Variants in CTRL observed in about 807,000 individuals in gnomAD.
The protein encoded by CTRL is chymotrypsin like.
In CTRL, 38 loss-of-function variants were observed where a neutral mutation model predicts 35.5. That is an observed-to-expected ratio of 1.07 (90% CI 0.83 to 1.40). The LOEUF (loss-of-function observed/expected upper bound fraction) is 1.40. Ranked by LOEUF, CTRL falls within the 40% of genes most tolerant of loss-of-function variation. The probability of loss-of-function intolerance (pLI) is 0.00; values close to 1 mark genes in which losing one functional copy is unlikely to be tolerated. For missense variants in CTRL, 327 were observed against 342.9 expected, an observed-to-expected ratio of 0.95 and a Z score of 0.37; for synonymous variants, 155 against 141.1, an observed-to-expected ratio of 1.10 and a Z score of -0.70.
rs144794688 is a variant in CTRL, at chr16:67,930,002, C to T, written c.727G>A (p.Ala243Thr). The change falls in exon 7 of 7, where the codon GCA (alanine) becomes ACA (threonine). Residue 243 changes from alanine to threonine, a missense_variant. Physicochemically the swap from Ala to Thr is moderately conservative, Grantham distance 58. Coordinates refer to ENST00000574481, the MANE Select transcript of CTRL (RefSeq NM_001907.3). This position sits in a 1 kb window ranked among gnomAD's most constrained non-coding sequence, Gnocchi z 4.3. ...SWGTKNCNVR[A>T]PAVYTRVSKF... is the part of the protein sequence containing the mutation. ...CTAACTCGAGTATACACAGCAGGTG[C>T]GCGCACATTGCAGTTTTTGGTGCCC... The T allele has an allele frequency of 3.3e-5, 54 of 1,614,098 alleles. No individual in the cohort carries two copies. Among genetic ancestry groups the T allele is most frequent in the East Asian group, 4.5e-5 (2 of 44,876 alleles).
chr16:67,931,749 G>T, intron 1 of CTRL, 52 bp downstream of exon 1: 1 of 1,546,624 alleles, frequency 6.5e-7, no homozygotes, highest in East Asian at 2.4e-5. Context: ...GGCTGTTGCT[G>T]GGAGCTGAGT....
chr16:67,929,972 A>G lies in CTRL; in HGVS notation c.757T>C (p.Phe253Leu), dbSNP rs765462419. The G allele has an allele frequency of 2.5e-6, 4 of 1,614,156 alleles. No individual in the cohort carries two copies. The South Asian group carries it at 4.4e-5, about 18-fold the overall frequency. The change falls in exon 7 of 7, where the codon TTC (phenylalanine) becomes CTC (leucine). Residue 253 changes from phenylalanine (F) to leucine (L), a missense_variant. Transcript: ENST00000574481. ...ATGACCTGGTTGATCCAGGTGCTGA[A>G]CTTGCTAACTCGAGTATACACAGCA... ...APAVYTRVSK[F>L]STWINQVIAY...
intron 1 of CTRL, 118 bp from the exon 2 acceptor site, chr16:67,931,319 C>T: frequency 2.1e-6 from 2 of 940,942 alleles, no homozygotes; most frequent in South Asian, 2.9e-5. Context: ...TACAGCACTA[C>T]CCCTTCCCCA....
Position 67,930,311 on chromosome 16 carries a change from C to T in CTRL, c.507G>A (p.Val169=), listed in dbSNP as rs767272614. 1 of 1,614,030 alleles carries T rather than the reference C, an allele frequency of 6.2e-7. No individual in the cohort carries two copies. Among genetic ancestry groups the T allele is most frequent in the Non-Finnish European group, 8.5e-7 (1 of 1,180,012 alleles). ...GWGRLSGVGN[V]TPAHLQQVAL... The stretch of plus-strand genomic sequence containing the variant: ...CCACCTGCTGCAGATGTGCTGGTGT[C>T]ACATTGCCTGTGGGCCAGGAGGGGT... The change falls in exon 6 of 7, where the codon GTG becomes GTA. Residue 169 remains valine, a synonymous_variant. Transcript: ENST00000574481. This position sits in a 1 kb window ranked among gnomAD's most constrained non-coding sequence, Gnocchi z 4.3.
At position 67,930,167 on chromosome 16, in the gene CTRL, G is replaced by A. The variant is rs779233462; in HGVS notation, c.633+18C>T. 1.9e-6 allele frequency: 3 copies of A among 1,613,764 alleles called. No homozygotes were observed. The highest frequency in any genetic ancestry group is 2.2e-5 in the South Asian group (2 of 91,076). On this transcript the variant is annotated intron_variant, in intron 6 of 6. Transcript: ENST00000574481. This position sits in a 1 kb window ranked among gnomAD's most constrained non-coding sequence, Gnocchi z 4.3. The stretch of plus-strand genomic sequence containing the variant: ...GTATACCACAGGACAGCGCAGAGGA[G>A]CGGGTGCTGGGGCTTACCTGGCACG...
Position 67,929,859 on chromosome 16 carries a change from A to C in CTRL, c.*75T>G, listed in dbSNP as rs554774004. On this transcript the variant is annotated 3_prime_UTR_variant, in exon 7 of 7. Coordinates refer to ENST00000574481, the MANE Select transcript of CTRL (RefSeq NM_001907.3). ...AGCCTCTTCTTTCTCCTGAGCCAGG[A>C]AGACAGACATGAATGCATGATGGGA... The C allele has an allele frequency of 9.3e-5, 141 of 1,510,504 alleles. No homozygotes were observed. The highest frequency in any genetic ancestry group is 1.2e-4 in the Non-Finnish European group (137 of 1,101,924). 93.6% of individuals were successfully genotyped at this position (1,510,504 alleles called of 1,614,324 possible). A position where few individuals can be genotyped will look rare whatever the true frequency, so the allele number is the denominator to read the frequency against.
In CTRL at chr16:67,930,491, G is replaced by A. The variant is rs1230599573; in HGVS notation, c.416C>T (p.Pro139Leu). The part of the protein sequence containing the change: ...SPAQYTTRIS[P>L]VCLASSNEAL... ...CTCGTTTGAGGATGCCAGGCAAACT[G>A]GCGAGATGCGTGTTGTGTACTGGGC... Residue 139 changes from proline (P) to leucine (L), a missense_variant, in exon 5 of 7, where the codon CCA (proline) becomes CTA (leucine). Transcript: ENST00000574481. This position sits in a 1 kb window ranked among gnomAD's most constrained non-coding sequence, Gnocchi z 4.3. 1.9e-6 allele frequency: 3 copies of A among 1,614,074 alleles called. No individual in the cohort carries two copies. The African/African-American group carries it at 4.0e-5, about 22-fold the overall frequency.
In CTRL at chr16:67,930,689, C is replaced by T. The variant is rs752833617; in HGVS notation, c.318+37G>A. The T allele has an allele frequency of 5.9e-5, 95 of 1,612,296 alleles. No homozygotes were observed. Among genetic ancestry groups the T allele is most frequent in the Non-Finnish European group, 8.0e-5 (94 of 1,178,544 alleles). ...TCCCAGCACCCACCCACCTGCACTG[C>T]CCACTTTTCCTCCGTGTCTGCAGCC... On this transcript the variant is annotated intron_variant, in intron 4 of 6. Coordinates refer to ENST00000574481, the MANE Select transcript of CTRL (RefSeq NM_001907.3). The surrounding 1 kb of genome is among the most constrained non-coding windows in gnomAD (Gnocchi z 4.3).
rs763160337 is a variant in CTRL, at chr16:67,930,893, C to T, written c.236+27G>A. On this transcript the variant is annotated intron_variant, in intron 3 of 6. Transcript: ENST00000574481. The surrounding 1 kb of genome is among the most constrained non-coding windows in gnomAD (Gnocchi z 4.3). ...GGAGGAGGCAGGAAGAGGCGAGGGG[C>T]GGGGCAGGTGGAATGCAGGCACTCA... The T allele has an allele frequency of 9.9e-6, 16 of 1,612,346 alleles. No homozygotes were observed. Among genetic ancestry groups the T allele is most frequent in the South Asian group, 4.4e-5 (4 of 91,052 alleles).
rs2058235486 is a variant in CTRL at position 67,930,427 on chromosome 16, C to T, written c.480G>A (p.Trp160Ter). ...CCCTACCCACGCCACTGAGGCGACC[C>T]CAGCCGGTGGTGACACACGTGAGGC... The part of the protein sequence containing the change: ...TEGLTCVTTG[W>*]GRLSGVGNVT... The change falls in exon 5 of 7, where the codon TGG (tryptophan) becomes TGA (stop). Residue 160 changes from tryptophan to a stop codon, truncating the protein, a stop_gained. Coordinates refer to ENST00000574481, the MANE Select transcript of CTRL (RefSeq NM_001907.3). LOFTEE classifies it high-confidence loss of function. The surrounding 1 kb of genome is among the most constrained non-coding windows in gnomAD (Gnocchi z 4.3). 1.2e-6 allele frequency: 2 copies of T among 1,614,020 alleles called. No individual in the cohort carries two copies. Among genetic ancestry groups the T allele is most frequent in the Non-Finnish European group, 8.5e-7 (1 of 1,179,962 alleles).
At chr16:67,931,256 A>C in intron 1 of CTRL, 55 bp from the exon 2 acceptor site, 1 of 1,581,500 alleles carries the variant, frequency 6.3e-7, no homozygotes, top group Non-Finnish European at 8.6e-7. Context: ...ATCTTTCCCC[A>C]CCTCCTTTTG....
At position 67,929,648 on chromosome 16, in the gene CTRL, T is replaced by C; in HGVS notation, c.*286A>G. On this transcript the variant is annotated 3_prime_UTR_variant, in exon 7 of 7. Transcript: ENST00000574481. Reference sequence around the variant, plus strand: ...CTCTGTATTCAGTAAACAGGCTGCCTCTCCAGGGAGGGCTGCCATTCATTC... The same window carrying C: ...CTCTGTATTCAGTAAACAGGCTGCCCCTCCAGGGAGGGCTGCCATTCATTC... 2 of 473,136 alleles carry C rather than the reference T, an allele frequency of 4.2e-6. No individual in the cohort carries two copies. Among genetic ancestry groups the C allele is most frequent in the Non-Finnish European group, 7.7e-6 (2 of 260,834 alleles). The allele number at this position is 473,136 out of a possible 1,614,324, so 29.3% of individuals were successfully genotyped here.
In CTRL at chr16:67,930,096, C is replaced by T. The variant is rs1459652879; in HGVS notation, c.634-1G>A. 1.9e-6 allele frequency: 3 copies of T among 1,613,902 alleles called. No homozygotes were observed. On this transcript the variant is annotated splice_acceptor_variant, in intron 6 of 6. Transcript: ENST00000574481. LOFTEE classifies it high-confidence loss of function. The surrounding 1 kb of genome is among the most constrained non-coding windows in gnomAD (Gnocchi z 4.3). ...AGACAAGAGGGCCTCCGGAGTCACC[C>T]TGAGAGGGAAGAGGGAGGGAGAATT...
rs776862713 is a variant in CTRL at position 67,931,154 on chromosome 16, T to C, written c.100A>G (p.Ile34Val). Reference protein sequence around the residue: ...IKPALSFSQRIVNGENAVLGS... With the variant: ...IKPALSFSQRVVNGENAVLGS... ...AACACTGCATTCTCCCCGTTGACAATCCTCTGGCTGAAGCTCAGTGCCGGT... is the reference window on the plus strand; with the variant it reads ...AACACTGCATTCTCCCCGTTGACAACCCTCTGGCTGAAGCTCAGTGCCGGT... The change falls in exon 2 of 7, where the codon ATT becomes GTT. Residue 34 changes from isoleucine (I) to valine (V), a missense_variant. Transcript: ENST00000574481. 18 of 1,613,958 alleles carry C rather than the reference T, an allele frequency of 1.1e-5. No individual in the cohort carries two copies. In the South Asian group the frequency reaches 1.6e-4, roughly 15 times the overall value.
At chr16:67,931,248 C>T in intron 1 of CTRL, 47 bp from the exon 2 acceptor site, 1 of 1,595,598 alleles carries the variant, frequency 6.3e-7, no homozygotes, top group Non-Finnish European at 8.6e-7. Flanking sequence ...CTCAGCCCAT[C>T]TTTCCCCACC....
In CTRL at chr16:67,930,564, A is replaced by C. The variant is rs1457711810; in HGVS notation, c.343T>G (p.Ser115Ala). ...SRAITHPSWN[S>A]TTMNNDVTLL... The stretch of plus-strand genomic sequence containing the variant: ...GTCACGTCATTGTTCATGGTGGTAG[A>C]GTTCCAGCTAGGGTGTGTAATGGCC... The change falls in exon 5 of 7, where the codon TCT (serine) becomes GCT (alanine). Residue 115 changes from serine (S) to alanine (A), a missense_variant. By Grantham distance (99) the Ser-to-Ala change is moderately conservative. Coordinates refer to ENST00000574481, the MANE Select transcript of CTRL (RefSeq NM_001907.3). The surrounding 1 kb of genome is among the most constrained non-coding windows in gnomAD (Gnocchi z 4.3). The C allele has an allele frequency of 6.2e-7, 1 of 1,614,112 alleles. No homozygotes were observed. Among genetic ancestry groups the C allele is most frequent in the Admixed American group, 1.7e-5 (1 of 60,020 alleles).
chr16:67,930,455 T>G lies in CTRL; in HGVS notation c.452A>C (p.Glu151Ala), dbSNP rs1031687227. 6 of 1,613,996 alleles carry G rather than the reference T, an allele frequency of 3.7e-6. No individual in the cohort carries two copies. Among genetic ancestry groups the G allele is most frequent in the Middle Eastern group, 1.6e-4 (1 of 6,084 alleles). ...CLASSNEALTEGLTCVTTGWG... is the reference protein window; with the variant it reads ...CLASSNEALTAGLTCVTTGWG... ...GCCGGTGGTGACACACGTGAGGCCT[T>G]CAGTCAGAGCCTCGTTTGAGGATGC... Residue 151 changes from glutamate to alanine, a missense_variant, in exon 5 of 7, where the codon GAA (glutamate) becomes GCA (alanine). Coordinates refer to ENST00000574481, the MANE Select transcript of CTRL (RefSeq NM_001907.3). This position sits in a 1 kb window ranked among gnomAD's most constrained non-coding sequence, Gnocchi z 4.3.
chr16:67,930,999 C>T lies in CTRL; in HGVS notation c.157G>A (p.Asp53Asn), dbSNP rs773224403. 1.1e-5 allele frequency: 17 copies of T among 1,613,962 alleles called. No homozygotes were observed. The highest frequency in any genetic ancestry group is 3.3e-4 in the Middle Eastern group (2 of 6,062). ...GSWPWQVSLQ[D>N]SSGFHFCGGS... ...CCGCAGAAGTGGAAGCCGCTGCTGT[C>T]CTGTGGTCAGGGCTCAGAGGTCAGA... Residue 53 changes from aspartate to asparagine, a missense_variant and splice_region_variant, in exon 3 of 7, where the codon GAC (aspartate) becomes AAC (asparagine). Coordinates refer to ENST00000574481, the MANE Select transcript of CTRL (RefSeq NM_001907.3). The surrounding 1 kb of genome is among the most constrained non-coding windows in gnomAD (Gnocchi z 4.3).
intron 1 of CTRL, 100 bp downstream of exon 1, chr16:67,931,701 C>T (rs1044730709): frequency 8.7e-6 from 12 of 1,372,026 alleles, no homozygotes; most frequent in African/African-American, 2.9e-5. Context: ...CCACTCTGTC[C>T]ACCTTCGTCC....
Sources: gnomAD v4.1 joint callset for allele counts on GRCh38, gnomAD v4.1.1 for gene constraint, Gnocchi (gnomAD v3.1) non-coding constraint, MANE v1.5 for transcripts, NCBI Gene and HGNC (gene_info 2026-07-23, HGNC 2026-07-21) for gene names.